Variants in USP25 observed in about 807,000 individuals in gnomAD.
USP25 encodes the protein ubiquitin carboxyl-terminal hydrolase 25.
A neutral mutation model predicts 158.5 loss-of-function variants in USP25; 85 were observed. That is an observed-to-expected ratio of 0.54 (90% CI 0.45 to 0.64). The LOEUF (loss-of-function observed/expected upper bound fraction) is 0.64, where lower values mean the gene tolerates loss of function less well. USP25 is among the 30% of genes least tolerant of loss of function. USP25 has a pLI of 0.00. For synonymous variants in USP25, 464 were observed against 460.4 expected (o/e 1.01, Z -0.10); for missense variants, 1,242 against 1,327.3 (o/e 0.94, Z 1.00).
At chr21:15,731,572 A>T (rs1298217492) in intron 1 of USP25, among the ~76,000 whole-genome samples, 1 of 152,204 alleles carries the variant, frequency 6.6e-6, no homozygotes, top group South Asian at 2.1e-4. Flanking sequence ...TTAGAATTTT[A>T]TGATACTGCT....
intron 10 of USP25, 123 bp from the exon 11 acceptor site, chr21:15,823,916 T>C (rs2037361716): frequency 2.1e-6 from 2 of 946,856 alleles, no homozygotes; most frequent in South Asian, 1.9e-5. Flanking sequence ...ACCCAGTTAC[T>C]TGTCAGGTCC....
intron 20 of USP25, among the ~76,000 whole-genome samples, chr21:15,862,696 A>G (rs973427749): frequency 1.3e-5 from 2 of 150,412 alleles, no homozygotes; most frequent in Non-Finnish European, 3.0e-5. Context: ...TACAGTTGAT[A>G]TTTATGGCTG....
intron 4 of USP25, among the ~76,000 whole-genome samples, chr21:15,781,882 C>G (rs976250177): frequency 6.6e-6 from 1 of 152,188 alleles, no homozygotes; most frequent in Admixed American, 6.5e-5. Flanking sequence ...GCAGGAACCT[C>G]TTTGACACCC....
rs759604913 is a variant in USP25 at position 15,827,084 on chromosome 21, C to T, written c.1574C>T (p.Ser525Phe). 7 of 1,614,170 alleles carry T rather than the reference C, an allele frequency of 4.3e-6. No homozygotes were observed. Among genetic ancestry groups the T allele is most frequent in the Non-Finnish European group, 5.9e-6 (7 of 1,180,018 alleles). ...RSVIHKPFTQSRIPPDLPMHP... is the reference protein window; with the variant it reads ...RSVIHKPFTQFRIPPDLPMHP... ...GTAATACACAAACCATTTACTCAGT[C>T]CCGGATACCTCCAGATTTGCCCATG... The change falls in exon 14 of 26, where the codon TCC becomes TTC. Residue 525 changes from serine (S) to phenylalanine (F), a missense_variant. Transcript: ENST00000400183.
intron 20 of USP25, among the ~76,000 whole-genome samples, chr21:15,857,772 T>A (rs1026419044): frequency 6.6e-6 from 1 of 152,114 alleles, no homozygotes; most frequent in Non-Finnish European, 1.5e-5. Context: ...CTGTGATCAC[T>A]TATAAAATTA....
At chr21:15,822,665 G>A (rs1239395990) in intron 10 of USP25, among the ~76,000 whole-genome samples, 1 of 151,876 alleles carries the variant, frequency 6.6e-6, no homozygotes, top group Non-Finnish European at 1.5e-5. Flanking sequence ...TGTTCTTTCT[G>A]ATGTGTCTGG....
rs183827668 is a variant in USP25 at position 15,789,580 on chromosome 21, C to T, written c.393-1922C>T. ...ATATTTTAGAATATGCTGTAGAATC[C>T]TCTTTTTACATATTGTCTGTCTGCA... On this transcript the variant is annotated intron_variant, in intron 4 of 25. Coordinates refer to ENST00000400183, the MANE Select transcript of USP25 (RefSeq NM_001283041.3). Among the ~76,000 whole-genome samples the T allele has an allele frequency of 5.9e-5, 9 of 152,070 alleles. No individual in the cohort carries two copies. The East Asian group carries it at 1.5e-3, about 26-fold the overall frequency.
intron 6 of USP25, among the ~76,000 whole-genome samples, chr21:15,804,047 ATAT>A (rs951557700): frequency 3.3e-5 from 5 of 152,022 alleles, no homozygotes; most frequent in Non-Finnish European, 7.4e-5. Flanking sequence ...TAAGAACTAA[ATAT>A]TATAAGAATG....
chr21:15,787,902 A>ACC (rs5842545), intron 4 of USP25, among the ~76,000 whole-genome samples: 5,204 of 83,392 alleles, frequency 0.062, 202 homozygotes, highest in African/African-American at 0.12. Flanking sequence ...ACACCCCCTC[A>ACC]CCCCCCCCCC....
At chr21:15,752,609 A>T (rs541928214) in intron 1 of USP25, among the ~76,000 whole-genome samples, 26 of 152,198 alleles carry the variant, frequency 1.7e-4, no homozygotes, top group Non-Finnish European at 2.8e-4. Flanking sequence ...GCAAGGGAGG[A>T]TGGAAACCAT....
chr21:15,790,458 TA>T (rs1199896381), intron 4 of USP25, among the ~76,000 whole-genome samples: 1 of 152,094 alleles, frequency 6.6e-6, no homozygotes, highest in East Asian at 1.9e-4. Flanking sequence ...AAGGATAAAA[TA>T]ATAATATTTT....
At chr21:15,795,093 G>A in intron 5 of USP25, among the ~76,000 whole-genome samples, 1 of 151,376 alleles carries the variant, frequency 6.6e-6, no homozygotes, top group East Asian at 1.9e-4. Flanking sequence ...AAAGAGACCT[G>A]TATCTAATCC....
intron 23 of USP25, among the ~76,000 whole-genome samples, chr21:15,871,065 G>A (rs190399270): frequency 1.3e-5 from 2 of 152,268 alleles, no homozygotes; most frequent in Admixed American, 1.3e-4. Flanking sequence ...CATAATCACA[G>A]AAATTTCTAT....
intron 1 of USP25, among the ~76,000 whole-genome samples, chr21:15,745,449 CCATTTT>C (rs1329303654): frequency 6.7e-6 from 1 of 149,952 alleles, no homozygotes; most frequent in Non-Finnish European, 1.5e-5. Flanking sequence ...AGTACTTTAA[CCATTTT>C]CTTTTTCTTT....
In USP25 at chr21:15,866,308, G is replaced by A. The variant is rs2039657613; in HGVS notation, c.2769G>A (p.Met923Ile). ...IMKVAQAKLEMIKPEEVNLEE... is the reference protein window; with the variant it reads ...IMKVAQAKLEIIKPEEVNLEE... ...AAGTTGCTCAAGCCAAACTGGAAAT[G>A]ATAAAACCTGAAGAAGTAAACTTGG... The change falls in exon 22 of 26, where the codon ATG becomes ATA. Residue 923 changes from methionine to isoleucine, a missense_variant. Met to Ile is a conservative substitution (Grantham distance 10). Coordinates refer to ENST00000400183, the MANE Select transcript of USP25 (RefSeq NM_001283041.3). 1.9e-6 allele frequency: 3 copies of A among 1,604,764 alleles called. No homozygotes were observed. Among genetic ancestry groups the A allele is most frequent in the African/African-American group, 1.3e-5 (1 of 74,392 alleles).
At position 15,801,314 on chromosome 21, in the gene USP25, G is replaced by A. The variant is rs148346047; in HGVS notation, c.642+1471G>A. ...TATATTTATGCTTATATATCAGAAC[G>A]AGTTGTGAATACTAGAGAAATGTGT... On this transcript the variant is annotated intron_variant, in intron 6 of 25. Coordinates refer to ENST00000400183, the MANE Select transcript of USP25 (RefSeq NM_001283041.3). 2.3e-3 allele frequency among the ~76,000 whole-genome samples: 344 copies of A among 151,572 alleles called. 3 individuals carry two copies. The highest frequency in any genetic ancestry group is 7.7e-3 in the African/African-American group (320 of 41,468).
At chr21:15,852,416 C>T (rs532702998) in intron 20 of USP25, among the ~76,000 whole-genome samples, 109 of 152,040 alleles carry the variant, frequency 7.2e-4, no homozygotes, top group African/African-American at 2.5e-3. Context: ...CTCAGTTTCC[C>T]GAGGTGTTAA....
intron 1 of USP25, among the ~76,000 whole-genome samples, chr21:15,743,307 G>A (rs2032234763): frequency 6.6e-6 from 1 of 152,176 alleles, no homozygotes; most frequent in South Asian, 2.1e-4. Flanking sequence ...TGTTACAGCC[G>A]TTCTTTGTTC....
intron 17 of USP25, among the ~76,000 whole-genome samples, chr21:15,834,301 G>A (rs1230707037): frequency 6.6e-6 from 1 of 152,094 alleles, no homozygotes; most frequent in African/African-American, 2.4e-5. Context: ...TCACTGAGTT[G>A]CAAATATGTT....
Sources: gnomAD v4.1 joint callset for allele counts (sites outside exome capture counted in the v4.1 genomes callset) on GRCh38, gnomAD v4.1.1 for gene constraint, MANE v1.5 for transcripts, NCBI Gene and HGNC (gene_info 2026-07-23, HGNC 2026-07-21) for gene names.